Variants in GNB1L observed in about 807,000 individuals in gnomAD.
GNB1L encodes G protein subunit beta 1 like, also known as guanine nucleotide-binding protein subunit beta-like protein 1.
GNB1L carries 20 observed loss-of-function variants against 29.1 expected under a neutral mutation model. The ratio of observed to expected loss-of-function variants is 0.69; its 90% CI spans 0.48 to 1.00. The LOEUF (loss-of-function observed/expected upper bound fraction) is 1.00. GNB1L is among the 50% of genes least tolerant of loss of function. The pLI is 0.00. For missense variants in GNB1L, 421 were observed against 464.9 expected (o/e 0.91, Z 0.87); for synonymous variants, 193 against 206.5 (o/e 0.93, Z 0.56).
intron 7 of GNB1L, among the ~76,000 whole-genome samples, chr22:19,795,849 C>T (rs565212862): frequency 6.6e-6 from 1 of 152,286 alleles, no homozygotes; most frequent in South Asian, 2.1e-4. Context: ...AGCATCCAGG[C>T]CCGTGCATCA....
chr22:19,838,854 A>G lies in GNB1L; in HGVS notation c.-21+15589T>C, dbSNP rs114265759. Among the ~76,000 whole-genome samples, 570 of 152,310 alleles carry G rather than the reference A, an allele frequency of 3.7e-3. 3 individuals are homozygous for G. The highest frequency in any genetic ancestry group is 0.013 in the African/African-American group (530 of 41,534). The stretch of plus-strand genomic sequence containing the variant: ...AGAAGTGAAAACTTATATGCAAACA[A>G]AAACCTGTACATGAATGTTTATAGT... On this transcript the variant is annotated intron_variant, in intron 2 of 7. Coordinates refer to ENST00000329517, the MANE Select transcript of GNB1L (RefSeq NM_053004.3).
chr22:19,827,789 T>G (rs1341134514), intron 2 of GNB1L, among the ~76,000 whole-genome samples: 1 of 152,182 alleles, frequency 6.6e-6, no homozygotes, highest in Non-Finnish European at 1.5e-5. Context: ...GACTCCATCT[T>G]GCACACCGTA....
intron 2 of GNB1L, chr22:19,846,937 G>A (rs1937975577): frequency 2.0e-6 from 2 of 985,348 alleles, no homozygotes; most frequent in Admixed American, 6.1e-5. Flanking sequence ...GCCCTGGGAT[G>A]GATGCAGGCC....
At chr22:19,807,354 G>T (rs1479497156) in intron 5 of GNB1L, among the ~76,000 whole-genome samples, 3 of 151,440 alleles carry the variant, frequency 2.0e-5, no homozygotes, top group Non-Finnish European at 4.4e-5. Flanking sequence ...CTCCTGAACA[G>T]CCAGGTCAGG....
At chr22:19,844,070 C>A (rs1344793414) in intron 2 of GNB1L, among the ~76,000 whole-genome samples, 1 of 152,192 alleles carries the variant, frequency 6.6e-6, no homozygotes, top group African/African-American at 2.4e-5. Flanking sequence ...ACCCACAGTG[C>A]CCCACCCAGG....
intron 4 of GNB1L, 135 bp from the exon 5 acceptor site, chr22:19,812,582 A>C: frequency 1.2e-6 from 1 of 831,618 alleles, no homozygotes; most frequent in South Asian, 1.8e-5. Context: ...GCAGGTCGGG[A>C]GCCTCAGCTG....
chr22:19,824,538 C>CT (rs1406856308), intron 2 of GNB1L, among the ~76,000 whole-genome samples: 1 of 152,254 alleles, frequency 6.6e-6, no homozygotes, highest in Non-Finnish European at 1.5e-5. Flanking sequence ...TTGTGCAACT[C>CT]TAACAGCCCT....
intron 4 of GNB1L, among the ~76,000 whole-genome samples, chr22:19,813,790 T>C (rs1350115852): frequency 6.6e-6 from 1 of 152,150 alleles, no homozygotes; most frequent in Non-Finnish European, 1.5e-5. Flanking sequence ...AGCCCAGGAA[T>C]TCCAGATCAG....
chr22:19,795,392 T>G (rs1287992926), intron 7 of GNB1L, among the ~76,000 whole-genome samples: 4 of 151,762 alleles, frequency 2.6e-5, no homozygotes, highest in Admixed American at 1.3e-4. Flanking sequence ...TATTAAAGAC[T>G]GGAACCACGT....
intron 7 of GNB1L, among the ~76,000 whole-genome samples, chr22:19,795,853 T>C (rs1047675359): frequency 5.9e-5 from 9 of 152,090 alleles, no homozygotes; most frequent in African/African-American, 1.7e-4. Flanking sequence ...TCCAGGCCCG[T>C]GCATCAGAGG....
At chr22:19,835,605 C>T (rs905120423) in intron 2 of GNB1L, among the ~76,000 whole-genome samples, 2 of 151,820 alleles carry the variant, frequency 1.3e-5, no homozygotes, top group African/African-American at 4.8e-5. Context: ...ACCCAGCTGG[C>T]GGAGGTTGCA....
intron 2 of GNB1L, chr22:19,852,116 C>T (rs753039712): frequency 1.9e-5 from 31 of 1,614,098 alleles, no homozygotes; most frequent in Non-Finnish European, 2.2e-5. Context: ...ACAGCAGGGC[C>T]GCTCAATCCA....
At chr22:19,847,667 C>G in intron 2 of GNB1L, 8 of 985,150 alleles carry the variant, frequency 8.1e-6, no homozygotes, top group Non-Finnish European at 9.6e-6. Flanking sequence ...CAAGTAGTCA[C>G]AGCATGCATG....
At position 19,843,260 on chromosome 22, in the gene GNB1L, C is replaced by T. The variant is rs184737782; in HGVS notation, c.-21+11183G>A. On this transcript the variant is annotated intron_variant, in intron 2 of 7. Transcript: ENST00000329517. ...GGTTATTAAATCAGAAATAGTATCA[C>T]GGCTGGGCATCTGTCAACGCCCCGA... 8.5e-5 allele frequency among the ~76,000 whole-genome samples: 13 copies of T among 152,388 alleles called. No individual in the cohort carries two copies. In the East Asian group the frequency reaches 9.6e-4, roughly 11 times the overall value.
In GNB1L at chr22:19,802,072, C is replaced by T. The variant is rs765557200; in HGVS notation, c.661G>A (p.Ala221Thr). Residue 221 changes from alanine to threonine, a missense_variant, in exon 7 of 8, where the codon GCC becomes ACC. Transcript: ENST00000329517. ...VMDLDFDSQK[A>T]RGISGSAGKA... ...CCCGCGGAGCCTGAGATGCCCCTGGCCTTCTGGGAGTCAAAGTCAAGGTCC... is the reference window on the plus strand; with the variant it reads ...CCCGCGGAGCCTGAGATGCCCCTGGTCTTCTGGGAGTCAAAGTCAAGGTCC... 8.1e-6 allele frequency: 13 copies of T among 1,613,282 alleles called. No homozygotes were observed. Among genetic ancestry groups the T allele is most frequent in the Non-Finnish European group, 1.0e-5 (12 of 1,179,916 alleles).
At chr22:19,846,859 G>T in intron 2 of GNB1L, 1 of 904,286 alleles carries the variant, frequency 1.1e-6, no homozygotes, top group Non-Finnish European at 1.3e-6. Flanking sequence ...ATGAGGAAAT[G>T]TCTGTTGTTT....
chr22:19,837,061 G>A (rs541364629), intron 2 of GNB1L, among the ~76,000 whole-genome samples: 2 of 151,910 alleles, frequency 1.3e-5, no homozygotes, highest in Non-Finnish European at 2.9e-5. Flanking sequence ...CTGCCTCCTG[G>A]GTTCACGCCA....
intron 2 of GNB1L, chr22:19,848,844 A>G (rs1279134585): frequency 1.0e-6 from 1 of 985,344 alleles, no homozygotes; most frequent in East Asian, 1.1e-4. Context: ...CTTCAGGTCC[A>G]CTAAAGGGAG....
intron 7 of GNB1L, among the ~76,000 whole-genome samples, chr22:19,801,317 T>C (rs1937368136): frequency 6.6e-6 from 1 of 152,176 alleles, no homozygotes; most frequent in East Asian, 1.9e-4. Flanking sequence ...CCATGGTCTC[T>C]GCAGCCCCTG....
Sources: allele counts gnomAD v4.1 joint callset (sites outside exome capture counted in the v4.1 genomes callset), GRCh38; gene constraint gnomAD v4.1.1; transcripts MANE v1.5; gene names NCBI Gene and HGNC (gene_info 2026-07-23, HGNC 2026-07-21).